The following CACNG5 variants were observed in gnomAD, a reference collection of about 807,000 sequenced individuals.
CACNG5 encodes voltage-dependent calcium channel gamma-5 subunit.
CACNG5 carries 18 observed loss-of-function variants against 24.8 expected under a neutral mutation model. The observed-to-expected ratio is 0.73, with a 90% CI of 0.50 to 1.08. The LOEUF (loss-of-function observed/expected upper bound fraction) is 1.08. CACNG5 is among the 50% of genes least tolerant of loss of function. The pLI, the probability that CACNG5 is intolerant of heterozygous loss-of-function variation, is 0.00. For synonymous variants in CACNG5, 157 were observed against 149.1 expected (o/e 1.05, Z -0.39); for missense variants, 349 against 367.9 (o/e 0.95, Z 0.42).
At chr17:66,876,753 G>A (rs1977081501) in intron 1 of CACNG5, among the ~76,000 whole-genome samples, 1 of 152,186 alleles carries the variant, frequency 6.6e-6, no homozygotes, top group Non-Finnish European at 1.5e-5. Flanking sequence ...CTCTCACAGA[G>A]ACTATTTGAG....
intron 1 of CACNG5, among the ~76,000 whole-genome samples, chr17:66,862,651 G>A (rs1976880130): frequency 6.8e-6 from 1 of 147,630 alleles, no homozygotes; most frequent in South Asian, 2.3e-4. Flanking sequence ...TATTTAACGA[G>A]CATCGCCCGC....
At chr17:66,876,261 A>G (rs960061562) in intron 1 of CACNG5, among the ~76,000 whole-genome samples, 1 of 152,198 alleles carries the variant, frequency 6.6e-6, no homozygotes, top group Admixed American at 6.5e-5. Flanking sequence ...CTTGAGCTCA[A>G]TTGTATCAGA....
rs1977385379 is a variant in CACNG5 at position 66,894,361 on chromosome 17, T to G, written c.*9121T>G. 6.6e-6 allele frequency among the ~76,000 whole-genome samples: 1 copy of G among 152,194 alleles called. No homozygotes were observed. Among genetic ancestry groups the G allele is most frequent in the African/African-American group, 2.4e-5 (1 of 41,460 alleles). On this transcript the variant is annotated 3_prime_UTR_variant, in exon 6 of 6. Transcript: ENST00000533854. Reference sequence around the variant, plus strand: ...AAAAGTGATGGGGAAAATGAAGTACTCATAATAATTTACCCTGTGATCCTA... The same window carrying G: ...AAAAGTGATGGGGAAAATGAAGTACGCATAATAATTTACCCTGTGATCCTA...
At chr17:66,880,786 C>T (rs896070678) in intron 4 of CACNG5, 89 bp downstream of exon 4, 39 of 1,433,954 alleles carry the variant, frequency 2.7e-5, no homozygotes, top group Middle Eastern at 1.8e-4. Context: ...CTGGCACCCA[C>T]GCTGGAGTGC....
chr17:66,862,892 C>CTCTCTCTGTG (rs567913804), intron 1 of CACNG5, among the ~76,000 whole-genome samples: 8 of 142,170 alleles, frequency 5.6e-5, no homozygotes, highest in East Asian at 4.0e-4. Flanking sequence ...AGCATATTCT[C>CTCTCTCTGTG]TGTGTGTGTG....
intron 1 of CACNG5, among the ~76,000 whole-genome samples, chr17:66,876,890 G>A (rs1016403557): frequency 6.6e-6 from 1 of 152,156 alleles, no homozygotes; most frequent in Non-Finnish European, 1.5e-5. Context: ...CTTTGGGGGT[G>A]CCTTTGTTCT....
At chr17:66,884,792 C>T in intron 5 of CACNG5, 131 bp downstream of exon 5, 1 of 1,613,404 alleles carries the variant, frequency 6.2e-7, no homozygotes, top group South Asian at 1.1e-5. Flanking sequence ...CTCTACTTCC[C>T]TTCCTCATCC....
intron 4 of CACNG5, among the ~76,000 whole-genome samples, chr17:66,884,128 A>G (rs1037986087): frequency 7.1e-6 from 1 of 140,522 alleles, no homozygotes; most frequent in Non-Finnish European, 1.5e-5. Flanking sequence ...GTGAAAATCC[A>G]CCTCAAAAAA....
At chr17:66,855,840 G>T (rs1976768932) in intron 1 of CACNG5, among the ~76,000 whole-genome samples, 1 of 152,200 alleles carries the variant, frequency 6.6e-6, no homozygotes, top group Admixed American at 6.5e-5. Flanking sequence ...AACTGAAGTA[G>T]AAAGGATAGA....
At position 66,890,140 on chromosome 17, in the gene CACNG5, T is replaced by C. The variant is rs1006931224; in HGVS notation, c.*4900T>C. Among the ~76,000 whole-genome samples, 2 of 152,118 alleles carry C rather than the reference T, an allele frequency of 1.3e-5. No homozygotes were observed. Among genetic ancestry groups the C allele is most frequent in the Non-Finnish European group, 2.9e-5 (2 of 68,010 alleles). On this transcript the variant is annotated 3_prime_UTR_variant, in exon 6 of 6. Transcript: ENST00000533854. ...GGAACACAGCACTCTGCCTAGGGAG[T>C]AGGTGCACAGGTGGATGGATGAGTG...
chr17:66,881,657 C>A (rs1229042557), intron 4 of CACNG5, among the ~76,000 whole-genome samples: 1 of 152,184 alleles, frequency 6.6e-6, no homozygotes, highest in African/African-American at 2.4e-5. Flanking sequence ...GATAGGAACC[C>A]AGTGTGAATA....
Position 66,889,265 on chromosome 17 carries a change from C to T in CACNG5, c.*4025C>T, listed in dbSNP as rs1337605827. Among the ~76,000 whole-genome samples the T allele has an allele frequency of 6.6e-6, 1 of 152,180 alleles. No individual in the cohort carries two copies. Among genetic ancestry groups the T allele is most frequent in the Non-Finnish European group, 1.5e-5 (1 of 68,040 alleles). ...CATGAGCCACTGTGCCCATCCTCTA[C>T]CCTCTTTCTTGTCCCATGGGTGAGT... is the stretch of plus-strand genomic sequence containing the variant. On this transcript the variant is annotated 3_prime_UTR_variant, in exon 6 of 6. Coordinates refer to ENST00000533854, the MANE Select transcript of CACNG5 (RefSeq NM_145811.3).
chr17:66,851,001 C>T (rs551297763), intron 1 of CACNG5, among the ~76,000 whole-genome samples: 1 of 152,210 alleles, frequency 6.6e-6, no homozygotes, highest in African/African-American at 2.4e-5. Context: ...AATGCCTACC[C>T]ATGGACTGTA....
Position 66,885,086 on chromosome 17 carries a change from C to A in CACNG5, c.674C>A (p.Ser225Tyr), listed in dbSNP as rs1977236959. The change falls in exon 6 of 6, where the codon TCC becomes TAC. Residue 225 changes from serine (S) to tyrosine (Y), a missense_variant. Transcript: ENST00000533854. Reference sequence around the variant, plus strand: ...TACCGCCCTCGGCTGAGCAACTGCTCCGATTACTCAGGCCAGTTCCTACAC... The same window carrying A: ...TACCGCCCTCGGCTGAGCAACTGCTACGATTACTCAGGCCAGTTCCTACAC... ...GFYRPRLSNC[S>Y]DYSGQFLHPD... The A allele has an allele frequency of 6.2e-7, 1 of 1,614,100 alleles. No homozygotes were observed. The highest frequency in any genetic ancestry group is 8.5e-7 in the Non-Finnish European group (1 of 1,180,038).
At chr17:66,872,231 A>G (rs1568069744) in intron 1 of CACNG5, among the ~76,000 whole-genome samples, 1 of 152,232 alleles carries the variant, frequency 6.6e-6, no homozygotes, top group Non-Finnish European at 1.5e-5. Flanking sequence ...ATTCAACTTC[A>G]TTAATTTACT....
chr17:66,884,557 A>T lies in CACNG5; in HGVS notation c.466A>T (p.Ile156Phe), dbSNP rs143315434. ...GGGCCTGGTGCTCTACATCTCCAGC[A>T]TCAACGATGAGATGCTCAACAGGAC... ...VVGLVLYISS[I>F]NDEMLNRTKD... The change falls in exon 5 of 6, where the codon ATC becomes TTC. Residue 156 changes from isoleucine to phenylalanine, a missense_variant. Physicochemically the swap from Ile to Phe is conservative, Grantham distance 21. Coordinates refer to ENST00000533854, the MANE Select transcript of CACNG5 (RefSeq NM_145811.3). 445 of 1,613,844 alleles carry T rather than the reference A, an allele frequency of 2.8e-4. No individual in the cohort carries two copies. Among genetic ancestry groups the T allele is most frequent in the Non-Finnish European group, 3.4e-4 (406 of 1,179,940 alleles).
At chr17:66,848,538 A>T (rs370414086) in intron 1 of CACNG5, among the ~76,000 whole-genome samples, 2 of 152,136 alleles carry the variant, frequency 1.3e-5, no homozygotes, top group Non-Finnish European at 2.9e-5. Context: ...CTGAGGACAA[A>T]CCTCTACAGA....
intron 1 of CACNG5, among the ~76,000 whole-genome samples, chr17:66,873,888 T>A (rs1462825775): frequency 6.6e-6 from 1 of 151,382 alleles, no homozygotes; most frequent in Non-Finnish European, 1.5e-5. Flanking sequence ...TTTACCATAA[T>A]GTGCAATGCG....
Position 66,877,489 on chromosome 17 carries a change from T to C in CACNG5, c.157T>C (p.Ser53Pro). ...GAACCAGAGCACCGAGATCAAGATGTCCCTGCACTCAGGCCTCTGGCGGGT... is the reference window on the plus strand; with the variant it reads ...GAACCAGAGCACCGAGATCAAGATGCCCCTGCACTCAGGCCTCTGGCGGGT... ...PQNQSTEIKM[S>P]LHSGLWRVCF... The change falls in exon 2 of 6, where the codon TCC (serine) becomes CCC (proline). Residue 53 changes from serine (S) to proline (P), a missense_variant. Transcript: ENST00000533854. The C allele has an allele frequency of 6.2e-7, 1 of 1,613,772 alleles. No homozygotes were observed. The highest frequency in any genetic ancestry group is 1.1e-5 in the South Asian group (1 of 91,062).
Sources: allele counts gnomAD v4.1 joint callset (sites outside exome capture counted in the v4.1 genomes callset), GRCh38; gene constraint gnomAD v4.1.1; transcripts MANE v1.5; gene names NCBI Gene and HGNC (gene_info 2026-07-23, HGNC 2026-07-21).